The following PITPNM2 variants were observed in gnomAD, a reference collection of about 807,000 sequenced individuals.
The protein encoded by PITPNM2 is membrane-associated phosphatidylinositol transfer protein 2.
Under a neutral mutation model 132.2 loss-of-function variants are expected in PITPNM2, and 35 were observed. That is an observed-to-expected ratio of 0.26 (90% CI 0.20 to 0.35). The LOEUF (loss-of-function observed/expected upper bound fraction) is 0.35, where lower values mean the gene tolerates loss of function less well. Ranked by LOEUF, PITPNM2 falls within the 10% of genes least tolerant of loss-of-function variation. PITPNM2 has a pLI of 1.00. For missense variants in PITPNM2, 1,332 were observed against 1,912.0 expected (o/e 0.70, Z 5.66); for synonymous variants, 738 against 799.2 (o/e 0.92, Z 1.29).
rs958391864 is a variant in PITPNM2, at chr12:123,150,475, G to A, written c.-200+278C>T. ...GGTCCCCCACGCGGTCGCGACCGAC[G>A]GAAATTCGGAAATCAGCGTTTCGGG... On this transcript the variant is annotated intron_variant, in intron 1 of 25. Transcript: ENST00000320201. The surrounding 1 kb of genome is among the most constrained non-coding windows in gnomAD (Gnocchi z 6.0). Among the ~76,000 whole-genome samples, 2 of 152,094 alleles carry A rather than the reference G, an allele frequency of 1.3e-5. No homozygotes were observed. The highest frequency in any genetic ancestry group is 2.9e-5 in the Non-Finnish European group (2 of 68,014).
intron 2 of PITPNM2, among the ~76,000 whole-genome samples, chr12:123,096,656 C>G (rs1048932247): frequency 2.0e-5 from 3 of 152,158 alleles, no homozygotes; most frequent in Non-Finnish European, 4.4e-5. Flanking sequence ...TGGAATCCCT[C>G]CCCCTGCACC....
intron 23 of PITPNM2, 22 bp from the exon 24 acceptor site, chr12:122,986,851 A>G: frequency 6.3e-7 from 1 of 1,587,430 alleles, no homozygotes; most frequent in African/African-American, 1.3e-5. Flanking sequence ...GTGTCGTCTC[A>G]TGGTCACCCC....
At position 122,985,589 on chromosome 12, in the gene PITPNM2, A is replaced by C; in HGVS notation, c.*438T>G. ...AACCAGTGAGGTTGAACAGTTGAGA[A>C]ACTCGAGTTAACAAGATGCAGGCTG... On this transcript the variant is annotated 3_prime_UTR_variant, in exon 26 of 26. Transcript: ENST00000320201. 6.0e-6 allele frequency: 1 copy of C among 165,736 alleles called. No homozygotes were observed. Among genetic ancestry groups the C allele is most frequent in the Non-Finnish European group, 1.3e-5 (1 of 77,324 alleles). The allele number at this position is 165,736 out of a possible 1,614,324, so 10.3% of individuals were successfully genotyped here.
chr12:122,996,668 C>T (rs1020136276), intron 12 of PITPNM2, 53 bp downstream of exon 12: 11 of 1,611,094 alleles, frequency 6.8e-6, no homozygotes, highest in East Asian at 2.2e-5. Context: ...GAGGCCAGCC[C>T]GCCCTACAGG....
chr12:123,122,398 G>A (rs1176949704), intron 1 of PITPNM2, among the ~76,000 whole-genome samples: 1 of 152,142 alleles, frequency 6.6e-6, no homozygotes, highest in African/African-American at 2.4e-5. Context: ...GGAGGCGGAG[G>A]TTGCAGTGAG....
At chr12:123,100,388 G>A (rs1009600332) in intron 2 of PITPNM2, among the ~76,000 whole-genome samples, 1 of 152,216 alleles carries the variant, frequency 6.6e-6, no homozygotes, top group Non-Finnish European at 1.5e-5. Context: ...CACTTTGGGA[G>A]GCCAAGGCGG....
rs923554152 is a variant in PITPNM2, at chr12:123,031,542, G to A, written c.78+2971C>T. Among the ~76,000 whole-genome samples the A allele has an allele frequency of 1.3e-5, 2 of 152,156 alleles. No homozygotes were observed. The highest frequency in any genetic ancestry group is 6.5e-5 in the Admixed American group (1 of 15,276). On this transcript the variant is annotated intron_variant, in intron 3 of 25. Coordinates refer to ENST00000320201, the MANE Select transcript of PITPNM2 (RefSeq NM_020845.3). The surrounding 1 kb of genome is among the most constrained non-coding windows in gnomAD (Gnocchi z 4.5). ...AAACACAGCAATTAGTCCTCAGGCC[G>A]GAGACAGCACACACCAAGAACACAG...
At chr12:123,123,627 A>T (rs545794445) in intron 1 of PITPNM2, among the ~76,000 whole-genome samples, 12 of 152,194 alleles carry the variant, frequency 7.9e-5, no homozygotes, top group South Asian at 2.1e-4. Context: ...AAAAACAAAA[A>T]AAAATTAAAT....
Position 123,008,535 on chromosome 12 carries a change from A to G in PITPNM2, c.643+1315T>C, listed in dbSNP as rs1331441471. On this transcript the variant is annotated intron_variant, in intron 6 of 25. Transcript: ENST00000320201. This position sits in a 1 kb window ranked among gnomAD's most constrained non-coding sequence, Gnocchi z 4.1. ...ACCATTCCCATTTTGAGGCTTCAGC[A>G]CTGGGGTTGCAGGTCCCAGTCTGTG... is the stretch of plus-strand genomic sequence containing the variant. Among the ~76,000 whole-genome samples the G allele has an allele frequency of 6.6e-6, 1 of 152,168 alleles. No homozygotes were observed. Among genetic ancestry groups the G allele is most frequent in the Admixed American group, 6.5e-5 (1 of 15,276 alleles).
chr12:123,047,713 C>T lies in PITPNM2; in HGVS notation c.-95-13028G>A, dbSNP rs117801578. ...AGACAGGCCTCAGGGAGCCTCCAGG[C>T]TCCAGGGGAGACAGGCATCACATGA... On this transcript the variant is annotated intron_variant, in intron 2 of 25. Transcript: ENST00000320201. Among the ~76,000 whole-genome samples the T allele has an allele frequency of 4.3e-3, 655 of 152,100 alleles. 11 individuals are homozygous for T. The East Asian group carries it at 0.043, about 10-fold the overall frequency.
At chr12:123,079,505 C>A (rs951587733) in intron 2 of PITPNM2, among the ~76,000 whole-genome samples, 1 of 151,778 alleles carries the variant, frequency 6.6e-6, no homozygotes, top group East Asian at 1.9e-4. Flanking sequence ...CACCACCACA[C>A]CCAGCTAATT....
chr12:123,096,678 C>G (rs1346930444), intron 2 of PITPNM2, among the ~76,000 whole-genome samples: 1 of 152,196 alleles, frequency 6.6e-6, no homozygotes, highest in Non-Finnish European at 1.5e-5. Context: ...CTAGCCTAAA[C>G]AAGGGTCCCA....
chr12:123,017,134 G>C (rs577109344), intron 3 of PITPNM2, among the ~76,000 whole-genome samples: 1 of 152,116 alleles, frequency 6.6e-6, no homozygotes, highest in South Asian at 2.1e-4. Flanking sequence ...ACTTTGGGAG[G>C]CTGAGGCAGG....
intron 1 of PITPNM2, among the ~76,000 whole-genome samples, chr12:123,115,753 G>A (rs1373205082): frequency 1.3e-5 from 2 of 152,218 alleles, no homozygotes; most frequent in Non-Finnish European, 2.9e-5. Flanking sequence ...GCCTGGAGCT[G>A]ATACAGCTGG....
intron 2 of PITPNM2, among the ~76,000 whole-genome samples, chr12:123,074,158 C>T (rs7964876): frequency 0.047 from 7,086 of 152,304 alleles, 225 homozygotes; most frequent in Non-Finnish European, 0.075. Flanking sequence ...CTCAACCCTC[C>T]GAGACTCGGT....
Position 123,095,550 on chromosome 12 carries a change from G to A in PITPNM2, c.-96+14835C>T, listed in dbSNP as rs551230429. ...ACCTGTCACCCAGATGAAGTGAGACGAAGTGTCTTCCAATACACACATCGG... is the reference window on the plus strand; with the variant it reads ...ACCTGTCACCCAGATGAAGTGAGACAAAGTGTCTTCCAATACACACATCGG... On this transcript the variant is annotated intron_variant, in intron 2 of 25. Transcript: ENST00000320201. This position sits in a 1 kb window ranked among gnomAD's most constrained non-coding sequence, Gnocchi z 5.0. 2.0e-5 allele frequency among the ~76,000 whole-genome samples: 3 copies of A among 152,152 alleles called. No individual in the cohort carries two copies. Among genetic ancestry groups the A allele is most frequent in the South Asian group, 4.2e-4 (2 of 4,808 alleles).
chr12:123,140,027 T>G (rs1420554894), intron 1 of PITPNM2, among the ~76,000 whole-genome samples: 8 of 152,204 alleles, frequency 5.3e-5, no homozygotes. Context: ...ACAGGCTGGC[T>G]GGGACACCCA....
chr12:123,103,988 C>T (rs532728985), intron 2 of PITPNM2, among the ~76,000 whole-genome samples: 2 of 151,952 alleles, frequency 1.3e-5, no homozygotes, highest in East Asian at 1.9e-4. Flanking sequence ...CTTGGCTAAC[C>T]GCAACCTCCG....
rs374981820 is a variant in PITPNM2, at chr12:123,113,536, T to C, written c.-199-3048A>G. ...GCAACATAGTGAGACCCCCCATCTT[T>C]ACAAAAATTCATAAATTAGCTGGGT... On this transcript the variant is annotated intron_variant, in intron 1 of 25. Coordinates refer to ENST00000320201, the MANE Select transcript of PITPNM2 (RefSeq NM_020845.3). Among the ~76,000 whole-genome samples, 7 of 152,128 alleles carry C rather than the reference T, an allele frequency of 4.6e-5. No individual in the cohort carries two copies. In the East Asian group the frequency reaches 7.7e-4, roughly 17 times the overall value.
Sources: allele counts gnomAD v4.1 joint callset (sites outside exome capture counted in the v4.1 genomes callset), GRCh38; gene constraint gnomAD v4.1.1; non-coding constraint Gnocchi (gnomAD v3.1); transcripts MANE v1.5; gene names NCBI Gene and HGNC (gene_info 2026-07-23, HGNC 2026-07-21).